The following NRXN3 variants were observed in gnomAD, a reference collection of about 807,000 sequenced individuals.
NRXN3 encodes the protein neurexin III.
NRXN3 carries 32 observed loss-of-function variants against 137.6 expected under a neutral mutation model. That is an observed-to-expected ratio of 0.23 (90% CI 0.18 to 0.31). The LOEUF (loss-of-function observed/expected upper bound fraction) is 0.31. Ranked by LOEUF, NRXN3 falls within the 10% of genes least tolerant of loss-of-function variation. NRXN3 has a pLI of 1.00. For missense variants in NRXN3, 1,574 were observed against 2,062.5 expected (o/e 0.76, Z 4.59); for synonymous variants, 798 against 784.5 (o/e 1.02, Z -0.29).
chr14:79,744,217 G>A (rs1479231343), intron 19 of NRXN3, among the ~76,000 whole-genome samples: 3 of 152,156 alleles, frequency 2.0e-5, no homozygotes, highest in Non-Finnish European at 2.9e-5. Flanking sequence ...GTGAACAAGG[G>A]TTAGATGTGA....
At chr14:79,297,388 A>G (rs1332041915) in intron 15 of NRXN3, among the ~76,000 whole-genome samples, 1 of 152,144 alleles carries the variant, frequency 6.6e-6, no homozygotes, top group Non-Finnish European at 1.5e-5. Context: ...CAATATTTGG[A>G]ATATACTTAT....
chr14:79,255,921 T>C (rs2076507504), intron 15 of NRXN3, among the ~76,000 whole-genome samples: 1 of 152,188 alleles, frequency 6.6e-6, no homozygotes, highest in African/African-American at 2.4e-5. Flanking sequence ...ATTGGGAATA[T>C]ACAATAATGG....
chr14:79,220,089 C>T (rs2069277545), intron 15 of NRXN3, among the ~76,000 whole-genome samples: 1 of 152,194 alleles, frequency 6.6e-6, no homozygotes, highest in South Asian at 2.1e-4. Context: ...CTCTGCCTTT[C>T]ACGTTATGTT....
intron 8 of NRXN3, among the ~76,000 whole-genome samples, chr14:78,788,913 T>C (rs2098797261): frequency 6.6e-6 from 1 of 152,110 alleles, no homozygotes; most frequent in East Asian, 1.9e-4. Context: ...CAAGCTTATA[T>C]GCTTACAGAG....
chr14:78,481,091 C>G (rs781444210), intron 4 of NRXN3, among the ~76,000 whole-genome samples: 4 of 152,116 alleles, frequency 2.6e-5, no homozygotes, highest in Non-Finnish European at 4.4e-5. Context: ...AGAATAAAAA[C>G]CTACACAAGT....
In NRXN3 at chr14:79,299,758, C is replaced by T. The variant is rs368012404; in HGVS notation, c.3263-167463C>T. 1.5e-3 allele frequency among the ~76,000 whole-genome samples: 228 copies of T among 152,136 alleles called. 5 individuals carry two copies. In the South Asian group the frequency reaches 0.046, roughly 30 times the overall value. ...GGTGTGACAGACAATTTTCTCCTTTCAAAAGATACCTAGATGGAGGATTCA... is the reference window on the plus strand; with the variant it reads ...GGTGTGACAGACAATTTTCTCCTTTTAAAAGATACCTAGATGGAGGATTCA... On this transcript the variant is annotated intron_variant, in intron 15 of 20. Transcript: ENST00000335750.
intron 10 of NRXN3, among the ~76,000 whole-genome samples, chr14:78,813,066 A>G (rs1299400515): frequency 6.6e-6 from 1 of 152,208 alleles, no homozygotes; most frequent in African/African-American, 2.4e-5. Flanking sequence ...GTTAATATGG[A>G]GTAAAAGTTT....
intron 16 of NRXN3, among the ~76,000 whole-genome samples, chr14:79,499,992 T>TGTGTGTGTGTGTGTG (rs1567302849): frequency 6.9e-6 from 1 of 144,100 alleles, no homozygotes; most frequent in Non-Finnish European, 1.5e-5. Flanking sequence ...TGTGTGTGTG[T>TGTGTGTGTGTGTGTG]TAAAGGACGA....
chr14:79,284,120 C>G (rs1392806184), intron 15 of NRXN3, among the ~76,000 whole-genome samples: 1 of 151,140 alleles, frequency 6.6e-6, no homozygotes, highest in Non-Finnish European at 1.5e-5. Context: ...TATTTGTTTA[C>G]CAAGCTTTAA....
rs570959335 is a variant in NRXN3, at chr14:78,790,259, GA to G, written c.2045-13358del. ...TTTCTCTTTTGAATATTAAAAATAT[GA>G]AAGAGTACATGCCTGCTTTTCTTAA... On this transcript the variant is annotated intron_variant, in intron 8 of 20. Coordinates refer to ENST00000335750, the MANE Select transcript of NRXN3 (RefSeq NM_001330195.2). Among the ~76,000 whole-genome samples, 658 of 152,240 alleles carry G rather than the reference GA, an allele frequency of 4.3e-3. 7 individuals carry two copies. The highest frequency in any genetic ancestry group is 6.8e-3 in the Non-Finnish European group (463 of 68,010).
At chr14:79,590,115 G>C (rs920825211) in intron 16 of NRXN3, among the ~76,000 whole-genome samples, 7 of 152,198 alleles carry the variant, frequency 4.6e-5, no homozygotes, top group African/African-American at 1.4e-4. Flanking sequence ...CAGTTTGGCT[G>C]TGTCCCCACT....
chr14:79,775,654 T>G (rs1292353455), intron 19 of NRXN3, among the ~76,000 whole-genome samples: 1 of 151,926 alleles, frequency 6.6e-6, no homozygotes, highest in Admixed American at 6.6e-5. Flanking sequence ...GATGCCCATT[T>G]TACCACCCTA....
chr14:79,235,355 C>A (rs1006414063), intron 15 of NRXN3, among the ~76,000 whole-genome samples: 3 of 152,128 alleles, frequency 2.0e-5, no homozygotes, highest in African/African-American at 7.2e-5. Context: ...CAACAAGTAA[C>A]CTCTCTGATC....
chr14:79,447,301 C>CTA (rs2096077167), intron 15 of NRXN3, among the ~76,000 whole-genome samples: 2 of 152,036 alleles, frequency 1.3e-5, no homozygotes, highest in African/African-American at 4.8e-5. Context: ...TCTGAAAAGA[C>CTA]AGAGTATATA....
At chr14:79,037,921 A>C (rs1319603839) in intron 15 of NRXN3, among the ~76,000 whole-genome samples, 1 of 152,104 alleles carries the variant, frequency 6.6e-6, no homozygotes, top group Non-Finnish European at 1.5e-5. Flanking sequence ...CTGTTGGGTA[A>C]ATTGATTTGA....
intron 19 of NRXN3, among the ~76,000 whole-genome samples, chr14:79,801,522 G>C (rs2099180689): frequency 6.6e-6 from 1 of 151,808 alleles, no homozygotes; most frequent in Non-Finnish European, 1.5e-5. Flanking sequence ...TTGATTAATA[G>C]TGAAGTAACT....
At chr14:79,092,227 C>G (rs1201919585) in intron 15 of NRXN3, among the ~76,000 whole-genome samples, 1 of 152,158 alleles carries the variant, frequency 6.6e-6, no homozygotes, top group African/African-American at 2.4e-5. Flanking sequence ...GGATACAGGA[C>G]TATTCTTTTC....
chr14:79,379,389 G>T (rs1169167535), intron 15 of NRXN3, among the ~76,000 whole-genome samples: 1 of 152,148 alleles, frequency 6.6e-6, no homozygotes, highest in Admixed American at 6.5e-5. Flanking sequence ...AAGTGTTGGT[G>T]CCAGGTGAGT....
intron 2 of NRXN3, among the ~76,000 whole-genome samples, chr14:78,258,987 C>T (rs1386938472): frequency 6.6e-6 from 1 of 152,036 alleles, no homozygotes; most frequent in Non-Finnish European, 1.5e-5. Context: ...AAAAAATTAG[C>T]TGGGCGTGGT....
Sources: allele counts gnomAD v4.1 joint callset (sites outside exome capture counted in the v4.1 genomes callset), GRCh38; gene constraint gnomAD v4.1.1; transcripts MANE v1.5; gene names NCBI Gene and HGNC (gene_info 2026-07-23, HGNC 2026-07-21).